MTPAP: variants seen among roughly 807,000 people sequenced by gnomAD.
The protein encoded by MTPAP is mitochondrial poly(A) polymerase, also known as poly(A) RNA polymerase, mitochondrial.
A neutral mutation model predicts 48.7 loss-of-function variants in MTPAP; 23 were observed. The ratio of observed to expected loss-of-function variants is 0.47; its 90% CI spans 0.34 to 0.67. The LOEUF (loss-of-function observed/expected upper bound fraction) is 0.67, where lower values mean the gene tolerates loss of function less well. Ranked by LOEUF, MTPAP falls within the 30% of genes least tolerant of loss-of-function variation. The pLI is 0.01. For synonymous variants in MTPAP, 257 were observed against 254.1 expected, an observed-to-expected ratio of 1.01 and a Z score of -0.11; for missense variants, 614 against 694.3, an observed-to-expected ratio of 0.88 and a Z score of 1.30.
chr10:30,343,177 G>A (rs982906876), intron 1 of MTPAP, among the ~76,000 whole-genome samples: 4 of 152,024 alleles, frequency 2.6e-5, no homozygotes, highest in Admixed American at 1.3e-4. Context: ...GGCCAGACGC[G>A]GTGGCTCACA....
chr10:30,347,189 T>C (rs2132873899), intron 1 of MTPAP, among the ~76,000 whole-genome samples: 1 of 152,328 alleles, frequency 6.6e-6, no homozygotes, highest in East Asian at 1.9e-4. Context: ...ACATGAAACC[T>C]ATGTCAAAAC....
chr10:30,318,945 C>T lies in MTPAP; in HGVS notation c.1220-2735G>A, dbSNP rs78100514. Among the ~76,000 whole-genome samples the T allele has an allele frequency of 8.7e-3, 1,320 of 152,200 alleles. 22 individuals carry two copies. The highest frequency in any genetic ancestry group is 0.03 in the African/African-American group (1,258 of 41,490). On this transcript the variant is annotated intron_variant, in intron 6 of 8. Transcript: ENST00000263063. ...CAAGAGCTTGGAAACCAACAAAGCA[C>T]TACCCACTGGGAAGCAGAGAGGACA...
At chr10:30,319,069 A>AG (rs1840693227) in intron 6 of MTPAP, among the ~76,000 whole-genome samples, 1 of 126,416 alleles carries the variant, frequency 7.9e-6, no homozygotes, top group South Asian at 2.3e-4. Context: ...GGTGGCTGGG[A>AG]GGGGGAGGCT....
At chr10:30,333,831 G>T (rs913065432) in intron 4 of MTPAP, among the ~76,000 whole-genome samples, 1 of 152,094 alleles carries the variant, frequency 6.6e-6, no homozygotes, top group African/African-American at 2.4e-5. Context: ...GAGCCCAGGA[G>T]GCAGAGGTTA....
intron 3 of MTPAP, among the ~76,000 whole-genome samples, chr10:30,339,730 C>T (rs538564955): frequency 1.4e-4 from 21 of 152,126 alleles, no homozygotes; most frequent in African/African-American, 3.9e-4. Flanking sequence ...AAAAGCAATC[C>T]CATTTATTTA....
intron 1 of MTPAP, 150 bp downstream of exon 1, chr10:30,348,969 A>T: frequency 8.5e-7 from 1 of 1,181,994 alleles, no homozygotes; most frequent in Non-Finnish European, 1.2e-6. Context: ...GGGTTCCCCT[A>T]CAGAGATCAG....
At chr10:30,339,440 G>A (rs1350245885) in intron 3 of MTPAP, among the ~76,000 whole-genome samples, 2 of 140,224 alleles carry the variant, frequency 1.4e-5, no homozygotes, top group Non-Finnish European at 3.0e-5. Flanking sequence ...CCAAGATCAT[G>A]CCACTGCACT....
chr10:30,337,080 A>C, intron 3 of MTPAP, 53 bp from the exon 4 acceptor site: 1 of 1,429,536 alleles, frequency 7.0e-7, no homozygotes, highest in Non-Finnish European at 9.8e-7. Flanking sequence ...AGGTCGCATA[A>C]AAAGTTACCA....
chr10:30,315,351 T>C (rs575453640), intron 8 of MTPAP, among the ~76,000 whole-genome samples: 33 of 152,190 alleles, frequency 2.2e-4, no homozygotes, highest in Non-Finnish European at 3.8e-4. Context: ...AGCCAAATGC[T>C]AAACAGAATA....
chr10:30,325,991 T>G (rs1011657199), intron 5 of MTPAP, among the ~76,000 whole-genome samples: 25 of 152,084 alleles, frequency 1.6e-4, no homozygotes, highest in African/African-American at 6.0e-4. Context: ...CTGGAGGCAA[T>G]TCAAAGGTCA....
intron 2 of MTPAP, among the ~76,000 whole-genome samples, chr10:30,341,177 C>G (rs1037907817): frequency 6.6e-6 from 1 of 151,120 alleles, no homozygotes; most frequent in African/African-American, 2.4e-5. Flanking sequence ...TACCTGCCAA[C>G]AGCCACTGCA....
intron 3 of MTPAP, among the ~76,000 whole-genome samples, chr10:30,339,269 C>T (rs962734726): frequency 1.3e-5 from 2 of 151,934 alleles, no homozygotes; most frequent in African/African-American, 4.8e-5. Flanking sequence ...GGCACATCAC[C>T]TGAGGTCAGG....
intron 3 of MTPAP, among the ~76,000 whole-genome samples, chr10:30,337,967 C>T (rs567653311): frequency 1.3e-5 from 2 of 152,216 alleles, no homozygotes; most frequent in East Asian, 3.9e-4. Context: ...TTGAAACCAA[C>T]ATTGAAAATA....
At chr10:30,333,743 T>C (rs966269220) in intron 4 of MTPAP, among the ~76,000 whole-genome samples, 1 of 151,914 alleles carries the variant, frequency 6.6e-6, no homozygotes, top group Non-Finnish European at 1.5e-5. Flanking sequence ...GATGAAACAC[T>C]ATCTCTAAAA....
chr10:30,345,488 A>T (rs765698145), intron 1 of MTPAP, among the ~76,000 whole-genome samples: 24 of 151,956 alleles, frequency 1.6e-4, no homozygotes, highest in Non-Finnish European at 2.5e-4. Flanking sequence ...AAGTTTGATT[A>T]AAAAAAATGG....
At chr10:30,328,484 G>A (rs1309801365) in intron 4 of MTPAP, among the ~76,000 whole-genome samples, 2 of 152,200 alleles carry the variant, frequency 1.3e-5, no homozygotes, top group Non-Finnish European at 2.9e-5. Flanking sequence ...TTATAAAGAT[G>A]TTCACTCACT....
At chr10:30,344,028 C>T (rs1215141866) in intron 1 of MTPAP, among the ~76,000 whole-genome samples, 1 of 152,180 alleles carries the variant, frequency 6.6e-6, no homozygotes, top group Non-Finnish European at 1.5e-5. Context: ...CACATAACTG[C>T]CAAAGTGTTC....
At position 30,313,324 on chromosome 10, in the gene MTPAP, G is replaced by T. The variant is rs1840619737; in HGVS notation, c.*285C>A. Reference sequence around the variant, plus strand: ...TGTCCACGATGGATTCAAAATCCTGGGCTCAAGAGATCCTCCTGCCTCAGC... The same window carrying T: ...TGTCCACGATGGATTCAAAATCCTGTGCTCAAGAGATCCTCCTGCCTCAGC... On this transcript the variant is annotated 3_prime_UTR_variant, in exon 9 of 9. Coordinates refer to ENST00000263063, the MANE Select transcript of MTPAP (RefSeq NM_018109.4). 4.9e-6 allele frequency: 2 copies of T among 405,424 alleles called. No homozygotes were observed. Among genetic ancestry groups the T allele is most frequent in the East Asian group, 4.8e-5 (1 of 20,782 alleles). The allele number at this position is 405,424 out of a possible 1,614,324, so 25.1% of individuals were successfully genotyped here.
At chr10:30,337,123 C>T (rs1834739409) in intron 3 of MTPAP, 96 bp from the exon 4 acceptor site, 2 of 1,064,218 alleles carry the variant, frequency 1.9e-6, no homozygotes, top group Admixed American at 3.8e-5. Context: ...GCGTTGAAGA[C>T]CTACCTTAGA....
Sources: gnomAD v4.1 joint callset for allele counts (sites outside exome capture counted in the v4.1 genomes callset) on GRCh38, gnomAD v4.1.1 for gene constraint, MANE v1.5 for transcripts, NCBI Gene and HGNC (gene_info 2026-07-23, HGNC 2026-07-21) for gene names.